NWD2: variants seen among roughly 807,000 people sequenced by gnomAD.
NWD2 encodes the protein NACHT and WD repeat domain-containing protein 2.
In NWD2, 37 loss-of-function variants were observed where a neutral mutation model predicts 132.7. The observed-to-expected ratio is 0.28, with a 90% CI of 0.21 to 0.37. The LOEUF (loss-of-function observed/expected upper bound fraction) is 0.37. Among genes scored for constraint, NWD2 ranks in the 10% least tolerant of loss-of-function variants. NWD2 has a pLI of 1.00. For synonymous variants in NWD2, 705 were observed against 803.0 expected, an observed-to-expected ratio of 0.88 and a Z score of 2.06; for missense variants, 1,592 against 2,122.4, an observed-to-expected ratio of 0.75 and a Z score of 4.91.
At chr4:37,301,974 G>GA (rs1261060952) in intron 1 of NWD2, among the ~76,000 whole-genome samples, 1 of 151,946 alleles carries the variant, frequency 6.6e-6, no homozygotes, top group East Asian at 1.9e-4. Flanking sequence ...TTTGTTTTGG[G>GA]AAATCCTCTC....
intron 2 of NWD2, among the ~76,000 whole-genome samples, chr4:37,332,548 C>G (rs1719316392): frequency 6.6e-6 from 1 of 151,688 alleles, no homozygotes; most frequent in Non-Finnish European, 1.5e-5. Flanking sequence ...AGTAAGGCAC[C>G]AAGGACCAAT....
At chr4:37,329,554 T>C (rs1719247541) in intron 2 of NWD2, among the ~76,000 whole-genome samples, 1 of 151,702 alleles carries the variant, frequency 6.6e-6, no homozygotes, top group South Asian at 2.1e-4. Flanking sequence ...GTGTTTAGAA[T>C]ATTCTAGGAA....
In NWD2 at chr4:37,446,761, T is replaced by A; in HGVS notation, c.4773T>A (p.Asp1591Glu). The A allele has an allele frequency of 6.4e-7, 1 of 1,551,738 alleles. No individual in the cohort carries two copies. The highest frequency in any genetic ancestry group is 8.7e-7 in the Non-Finnish European group (1 of 1,147,024). Residue 1591 changes from aspartate (D) to glutamate (E), a missense_variant, in exon 7 of 7, where the codon GAT becomes GAA. Physicochemically the swap from Asp to Glu is conservative, Grantham distance 45 (BLOSUM62 2). Around this residue, in one of 7 missense-constraint regions of NWD2, gnomAD observed 257 missense variants for 335.0 expected, o/e 0.77. Coordinates refer to ENST00000309447, the MANE Select transcript of NWD2 (RefSeq NM_001144990.2). This position sits in a 1 kb window ranked among gnomAD's most constrained non-coding sequence, Gnocchi z 6.7. ...GTTTCCGAAATGGGGAGGAGGAGGA[T>A]GAAAATGGTGCAATATTCAGTTTAA... ...YICFRNGEEE[D>E]ENGAIFSLIV...
chr4:37,368,395 A>G (rs535525802), intron 3 of NWD2, among the ~76,000 whole-genome samples: 3 of 152,300 alleles, frequency 2.0e-5, no homozygotes, highest in Admixed American at 1.3e-4. Flanking sequence ...TTGTTGTCCA[A>G]TAAAACACAA....
chr4:37,324,717 C>T (rs1005012918), intron 1 of NWD2, among the ~76,000 whole-genome samples: 6 of 152,112 alleles, frequency 3.9e-5, no homozygotes, highest in African/African-American at 1.4e-4. Context: ...TCCAGAAGAC[C>T]TTGTATTTCT....
intron 3 of NWD2, among the ~76,000 whole-genome samples, chr4:37,404,239 T>G (rs1720951774): frequency 6.6e-6 from 1 of 152,182 alleles, no homozygotes; most frequent in South Asian, 2.1e-4. Context: ...TAACTTACAA[T>G]GTCATAGGAA....
At chr4:37,252,170 G>A (rs560222028) in intron 1 of NWD2, among the ~76,000 whole-genome samples, 1 of 152,316 alleles carries the variant, frequency 6.6e-6, no homozygotes, top group South Asian at 2.1e-4. Flanking sequence ...GATCTCCACA[G>A]GGAATAGAAA....
intron 3 of NWD2, among the ~76,000 whole-genome samples, chr4:37,416,941 G>C (rs1232428711): frequency 6.6e-6 from 1 of 151,978 alleles, no homozygotes; most frequent in Non-Finnish European, 1.5e-5. Flanking sequence ...TTGGGAACTG[G>C]GGGGAAAGGG....
chr4:37,245,852 A>G (rs1040706646), intron 1 of NWD2, among the ~76,000 whole-genome samples: 3 of 152,242 alleles, frequency 2.0e-5, no homozygotes, highest in Non-Finnish European at 4.4e-5. Context: ...GGTCTTCTGT[A>G]TCTAAAACTT....
At chr4:37,370,636 A>G (rs142572139) in intron 3 of NWD2, among the ~76,000 whole-genome samples, 1 of 152,342 alleles carries the variant, frequency 6.6e-6, no homozygotes, top group East Asian at 1.9e-4. Flanking sequence ...GCAGGGAAGC[A>G]ATTGTATCTT....
chr4:37,257,460 G>A (rs1016251800), intron 1 of NWD2, among the ~76,000 whole-genome samples: 3 of 152,104 alleles, frequency 2.0e-5, no homozygotes, highest in Non-Finnish European at 4.4e-5. Flanking sequence ...CTGAAAAATT[G>A]GAGCAATAAT....
chr4:37,288,421 G>A (rs1718283061), intron 1 of NWD2, among the ~76,000 whole-genome samples: 1 of 152,180 alleles, frequency 6.6e-6, no homozygotes, highest in East Asian at 1.9e-4. Flanking sequence ...CTTGTTCCAG[G>A]ATTACTTTAG....
chr4:37,353,116 T>C (rs950637491), intron 2 of NWD2, among the ~76,000 whole-genome samples: 3 of 152,224 alleles, frequency 2.0e-5, no homozygotes, highest in African/African-American at 7.2e-5. Context: ...TTATGAAGGT[T>C]AGTTTGGCTG....
chr4:37,415,948 C>T (rs1276156478), intron 3 of NWD2, among the ~76,000 whole-genome samples: 1 of 152,184 alleles, frequency 6.6e-6, no homozygotes, highest in Non-Finnish European at 1.5e-5. Context: ...TCTGCTGATT[C>T]CTCAGTTAAA....
At chr4:37,277,484 T>C (rs1364101358) in intron 1 of NWD2, among the ~76,000 whole-genome samples, 1 of 152,092 alleles carries the variant, frequency 6.6e-6, no homozygotes, top group Non-Finnish European at 1.5e-5. Flanking sequence ...GAATATTTTC[T>C]TTAATTTCAC....
intron 2 of NWD2, among the ~76,000 whole-genome samples, chr4:37,334,629 A>G (rs1434004268): frequency 1.3e-5 from 2 of 152,186 alleles, no homozygotes; most frequent in Non-Finnish European, 2.9e-5. Context: ...CCGCTGGTAC[A>G]CTGAGCCAAG....
At chr4:37,312,133 A>C (rs1718857669) in intron 1 of NWD2, among the ~76,000 whole-genome samples, 1 of 151,370 alleles carries the variant, frequency 6.6e-6, no homozygotes, top group Non-Finnish European at 1.5e-5. Context: ...GTTCCATATG[A>C]ACTTTAAAGT....
At chr4:37,298,992 A>G (rs1367455390) in intron 1 of NWD2, among the ~76,000 whole-genome samples, 2 of 152,160 alleles carry the variant, frequency 1.3e-5, no homozygotes, top group Non-Finnish European at 2.9e-5. Flanking sequence ...TAACCAAGAC[A>G]ATCTTCAGAC....
At chr4:37,389,539 T>C (rs1044780633) in intron 3 of NWD2, among the ~76,000 whole-genome samples, 7 of 152,154 alleles carry the variant, frequency 4.6e-5, no homozygotes, top group African/African-American at 1.7e-4. Flanking sequence ...ATGGCTGCAG[T>C]TGACTGAGAG....
Sources: gnomAD v4.1 joint callset for allele counts (sites outside exome capture counted in the v4.1 genomes callset) on GRCh38, gnomAD v4.1.1 for gene constraint, gnomAD v4.1.1 regional missense constraint, Gnocchi (gnomAD v3.1) non-coding constraint, MANE v1.5 for transcripts, NCBI Gene and HGNC (gene_info 2026-07-23, HGNC 2026-07-21) for gene names.